POTEE: variants seen among roughly 807,000 people sequenced by gnomAD.
The protein encoded by POTEE is POTE ankyrin domain family member E, also known as ANKRD26-like family C member 1A.
POTEE carries 21 observed loss-of-function variants against 74.2 expected under a neutral mutation model. That is an observed-to-expected ratio of 0.28 (90% CI 0.20 to 0.41). The LOEUF (loss-of-function observed/expected upper bound fraction) is 0.41. Ranked by LOEUF, POTEE falls within the 10% of genes least tolerant of loss-of-function variation. The pLI is 1.00. For synonymous variants in POTEE, 211 were observed against 432.8 expected (o/e 0.49, Z 6.36); for missense variants, 525 against 1,158.6 (o/e 0.45, Z 7.94).
chr2:131,220,602 G>A (rs1009992363), intron 4 of POTEE, among the ~76,000 whole-genome samples: 4 of 151,962 alleles, frequency 2.6e-5, no homozygotes, highest in East Asian at 1.9e-4. Context: ...AAAAGATAGC[G>A]TTCCTGGTAG....
In POTEE at chr2:131,218,774, T is replaced by G. The variant is rs567196786; in HGVS notation, c.372T>G (p.Asp124Glu). The G allele has an allele frequency of 1.9e-5, 30 of 1,612,724 alleles. No homozygotes were observed. The highest frequency in any genetic ancestry group is 2.5e-5 in the Non-Finnish European group (29 of 1,179,786). The change falls in exon 4 of 18, where the codon GAT becomes GAG. Residue 124 changes from aspartate to glutamate, a missense_variant. Asp to Glu is a conservative substitution (Grantham distance 45). Coordinates refer to ENST00000683005, the MANE Select transcript of POTEE (RefSeq NM_001083538.3). ...AGGTGGGCGCTTGGGGAGACTACGA[T>G]GACAGCGCCTTCATGGAGCCCAGGT... Reference protein sequence around the residue: ...KSKVGAWGDYDDSAFMEPRYH... With the variant: ...KSKVGAWGDYEDSAFMEPRYH...
chr2:131,234,035 A>G (rs554052383), intron 9 of POTEE, among the ~76,000 whole-genome samples: 1 of 149,508 alleles, frequency 6.7e-6, no homozygotes, highest in African/African-American at 2.6e-5. Flanking sequence ...GCATCCTACT[A>G]GTTTGACTCT....
intron 4 of POTEE, among the ~76,000 whole-genome samples, chr2:131,221,427 A>G (rs1700613837): frequency 6.6e-6 from 1 of 152,122 alleles, no homozygotes; most frequent in African/African-American, 2.4e-5. Flanking sequence ...AATATAATCA[A>G]ACTTGTTTCT....
intron 6 of POTEE, among the ~76,000 whole-genome samples, chr2:131,224,812 T>C (rs1478466529): frequency 6.6e-6 from 1 of 151,814 alleles, no homozygotes; most frequent in Non-Finnish European, 1.5e-5. Context: ...GAGGAAACCC[T>C]TGAGCAGAGG....
intron 4 of POTEE, among the ~76,000 whole-genome samples, chr2:131,219,736 C>CA (rs1218447808): frequency 2.2e-4 from 30 of 136,556 alleles, no homozygotes; most frequent in Middle Eastern, 3.8e-3. Context: ...GACTCCCTTT[C>CA]AAAAAAAAAA....
At chr2:131,221,006 G>A (rs58981536) in intron 4 of POTEE, among the ~76,000 whole-genome samples, 118 of 148,330 alleles carry the variant, frequency 8.0e-4, no homozygotes, top group African/African-American at 2.7e-3. Flanking sequence ...ACTGTTTTCT[G>A]TCCACAAAGT....
chr2:131,216,018 T>A (rs1438709425), intron 2 of POTEE, among the ~76,000 whole-genome samples: 1 of 152,082 alleles, frequency 6.6e-6, no homozygotes, highest in Non-Finnish European at 1.5e-5. Context: ...GTTACAAAAT[T>A]AACATTGGTT....
At position 131,264,037 on chromosome 2, in the gene POTEE, A is replaced by G. The variant is rs756225742; in HGVS notation, c.2582A>G (p.His861Arg). 6 of 1,614,212 alleles carry G rather than the reference A, an allele frequency of 3.7e-6. No homozygotes were observed. The highest frequency in any genetic ancestry group is 1.7e-4 in the Middle Eastern group (1 of 6,060). ...IVMDSGDGVT[H>R]TVPIYEGNAL... ...ATGGACTCTGGTGACGGGGTCACCC[A>G]CACTGTGCCCATCTATGAGGGGAAT... is the stretch of plus-strand genomic sequence containing the variant. The change falls in exon 18 of 18, where the codon CAC (histidine) becomes CGC (arginine). Residue 861 changes from histidine to arginine, a missense_variant. Transcript: ENST00000683005.
intron 9 of POTEE, among the ~76,000 whole-genome samples, chr2:131,232,568 G>C (rs1700997742): frequency 6.8e-6 from 1 of 146,736 alleles, no homozygotes; most frequent in African/African-American, 2.7e-5. Flanking sequence ...ACTTAGCTAA[G>C]GCAAGTTTAT....
intron 4 of POTEE, among the ~76,000 whole-genome samples, chr2:131,219,622 A>G (rs1700552545): frequency 6.6e-6 from 1 of 152,128 alleles, no homozygotes; most frequent in African/African-American, 2.4e-5. Flanking sequence ...CTGTAGTCCC[A>G]GCTACTCAGG....
At chr2:131,216,981 T>G (rs1329309427) in intron 2 of POTEE, among the ~76,000 whole-genome samples, 2 of 152,270 alleles carry the variant, frequency 1.3e-5, no homozygotes, top group Non-Finnish European at 2.9e-5. Context: ...TTAAGGAGCA[T>G]AAAAATGTTC....
At chr2:131,220,209 T>G (rs1376648613) in intron 4 of POTEE, among the ~76,000 whole-genome samples, 1 of 150,432 alleles carries the variant, frequency 6.6e-6, no homozygotes, top group Non-Finnish European at 1.5e-5. Flanking sequence ...TATATTTATA[T>G]ATATACTTTT....
chr2:131,227,336 G>A (rs1381533504), intron 7 of POTEE, among the ~76,000 whole-genome samples: 1 of 149,748 alleles, frequency 6.7e-6, no homozygotes, highest in Non-Finnish European at 1.5e-5. Context: ...ATAAATAGGG[G>A]TTGAAAATCC....
intron 10 of POTEE, among the ~76,000 whole-genome samples, chr2:131,237,655 G>A (rs1173459828): frequency 2.0e-5 from 3 of 151,746 alleles, no homozygotes; most frequent in Middle Eastern, 3.2e-3. Context: ...TAAAATTTGA[G>A]AATTTGCATC....
At chr2:131,230,469 G>C (rs1700918136) in intron 8 of POTEE, among the ~76,000 whole-genome samples, 1 of 152,232 alleles carries the variant, frequency 6.6e-6, no homozygotes, top group African/African-American at 2.4e-5. Context: ...AGGCAGCAAA[G>C]TCCTCACTTT....
chr2:131,227,757 AC>A (rs1700825882), intron 7 of POTEE, among the ~76,000 whole-genome samples: 1 of 149,744 alleles, frequency 6.7e-6, no homozygotes, highest in Non-Finnish European at 1.5e-5. Flanking sequence ...TAAGAAAGAT[AC>A]ATGTGGCATT....
At chr2:131,211,268 TTGGTGCTAG>T (rs1700349775) in intron 2 of POTEE, among the ~76,000 whole-genome samples, 85 bp downstream of exon 2, 2 of 151,564 alleles carry the variant, frequency 1.3e-5, no homozygotes, top group South Asian at 2.1e-4. Context: ...TGTATTGGCA[TTGGTGCTAG>T]TGGTGGTAGT....
intron 4 of POTEE, among the ~76,000 whole-genome samples, chr2:131,221,625 C>T (rs1341083251): frequency 6.6e-6 from 1 of 152,216 alleles, no homozygotes; most frequent in Non-Finnish European, 1.5e-5. Context: ...TGGCTATCTT[C>T]TGTGAACTTT....
At chr2:131,230,130 C>T (rs569334188) in intron 8 of POTEE, among the ~76,000 whole-genome samples, 618 of 151,942 alleles carry the variant, frequency 4.1e-3, no homozygotes, top group African/African-American at 0.014. Context: ...TGATCAACTC[C>T]GTAATAGTGG....
Sources: gnomAD v4.1 joint callset for allele counts (sites outside exome capture counted in the v4.1 genomes callset) on GRCh38, gnomAD v4.1.1 for gene constraint, MANE v1.5 for transcripts, NCBI Gene and HGNC (gene_info 2026-07-23, HGNC 2026-07-21) for gene names.